The following TACR3 variants were observed in gnomAD, a reference collection of about 807,000 sequenced individuals.
TACR3 encodes the protein neuromedin-K receptor.
In TACR3, 34 loss-of-function variants were observed where a neutral mutation model predicts 35.0. The ratio of observed to expected loss-of-function variants is 0.97; its 90% CI spans 0.74 to 1.30. TACR3 has a LOEUF of 1.30. Among genes scored for constraint, TACR3 ranks in the 50% most tolerant of loss-of-function variants. TACR3 has a pLI of 0.00. For missense variants in TACR3, 558 were observed against 591.7 expected (o/e 0.94, Z 0.59); for synonymous variants, 233 against 221.1 (o/e 1.05, Z -0.48).
rs184672576 is a variant in TACR3, at chr4:103,666,733, A to C, written c.549-8330T>G. ...AGTAGTAATCTATAGTGGCAATATA[A>C]AACTTGCTAAATTTTTTGCTACTTA... On this transcript the variant is annotated intron_variant, in intron 1 of 4. Transcript: ENST00000304883. Among the ~76,000 whole-genome samples the C allele has an allele frequency of 1.7e-3, 263 of 152,324 alleles. 3 individuals are homozygous for C. Among genetic ancestry groups the C allele is most frequent in the East Asian group, 3.3e-3 (17 of 5,194 alleles).
chr4:103,620,169 G>C (rs965131909), intron 3 of TACR3, among the ~76,000 whole-genome samples: 5 of 152,144 alleles, frequency 3.3e-5, no homozygotes, highest in Admixed American at 6.5e-5. Flanking sequence ...AGTTGTCAGA[G>C]AAATGCAAAT....
At chr4:103,642,705 ACATACAGGTAGATATAAGGAATACATTC>A (rs1725382380) in intron 3 of TACR3, among the ~76,000 whole-genome samples, 1 of 151,816 alleles carries the variant, frequency 6.6e-6, no homozygotes, top group African/African-American at 2.4e-5. Flanking sequence ...ATGGATACGT[ACATACAGGTAGATATAAGGAATACATTC>A]CAGTGTTTAA....
At chr4:103,718,255 T>A (rs1233905980) in intron 1 of TACR3, among the ~76,000 whole-genome samples, 1 of 152,196 alleles carries the variant, frequency 6.6e-6, no homozygotes, top group African/African-American at 2.4e-5. Flanking sequence ...GAAATCACCC[T>A]CATGTATCCC....
intron 3 of TACR3, among the ~76,000 whole-genome samples, chr4:103,595,180 A>C (rs1359780150): frequency 7.9e-5 from 12 of 152,224 alleles, no homozygotes; most frequent in African/African-American, 2.9e-4. Flanking sequence ...ATGGCTGAAC[A>C]ATGGTACTAG....
Position 103,658,272 on chromosome 4 carries a change from A to G in TACR3, c.680T>C (p.Met227Thr), listed in dbSNP as rs201587477. Residue 227 changes from methionine (M) to threonine (T), a missense_variant, in exon 2 of 5, where the codon ATG becomes ACG. By Grantham distance (81) the Met-to-Thr change is moderately conservative. Transcript: ENST00000304883. The part of the protein sequence containing the change: ...PQCLYSKTKV[M>T]PGRTLCFVQW... ...CACAAAGCAGAGAGTACGGCCTGGC[A>G]TGACTTTGGTTTTGGAATAAAGACA... 1.4e-5 allele frequency: 22 copies of G among 1,614,024 alleles called. No individual in the cohort carries two copies. In the Admixed American group the frequency reaches 2.0e-4, roughly 15 times the overall value.
chr4:103,681,166 G>A (rs1485428901), intron 1 of TACR3, among the ~76,000 whole-genome samples: 6 of 151,904 alleles, frequency 3.9e-5, no homozygotes, highest in Admixed American at 2.6e-4. Flanking sequence ...AAGATAAAAT[G>A]TCACTTTAGT....
At chr4:103,605,594 T>C (rs1004385719) in intron 3 of TACR3, among the ~76,000 whole-genome samples, 2 of 152,048 alleles carry the variant, frequency 1.3e-5, no homozygotes, top group African/African-American at 2.4e-5. Context: ...ATGAACATTT[T>C]TTCATGTGTT....
chr4:103,609,677 A>G (rs1246493694), intron 3 of TACR3, among the ~76,000 whole-genome samples: 2 of 152,060 alleles, frequency 1.3e-5, no homozygotes, highest in African/African-American at 2.4e-5. Flanking sequence ...TAGACAACCT[A>G]CTGTGTAATA....
At chr4:103,646,339 G>A (rs750038835) in intron 3 of TACR3, among the ~76,000 whole-genome samples, 1 of 151,974 alleles carries the variant, frequency 6.6e-6, no homozygotes, top group Non-Finnish European at 1.5e-5. Context: ...TTCCACAGTA[G>A]GAATTTTTAA....
Position 103,658,280 on chromosome 4 carries a change from G to A in TACR3, c.672C>T (p.Thr224=). The A allele has an allele frequency of 1.2e-6, 2 of 1,613,884 alleles. No individual in the cohort carries two copies. Among genetic ancestry groups the A allele is most frequent in the South Asian group, 2.2e-5 (2 of 91,080 alleles). Residue 224 remains threonine, a synonymous_variant, in exon 2 of 5, where the codon ACC becomes ACT. Transcript: ENST00000304883. ...AGAGAGTACGGCCTGGCATGACTTT[G>A]GTTTTGGAATAAAGACACTGAGGGA... The part of the protein sequence containing the change: ...LAFPQCLYSK[T]KVMPGRTLCF...
intron 1 of TACR3, among the ~76,000 whole-genome samples, chr4:103,698,376 T>C (rs1252986975): frequency 4.6e-5 from 7 of 151,786 alleles, no homozygotes; most frequent in Non-Finnish European, 8.8e-5. Context: ...TTTGATTTCT[T>C]CAAAACTTTT....
At chr4:103,599,711 G>A (rs35944628) in intron 3 of TACR3, among the ~76,000 whole-genome samples, 2,487 of 152,094 alleles carry the variant, frequency 0.016, 56 homozygotes, top group African/African-American at 0.057. Flanking sequence ...TATTGAGATA[G>A]TCATGTGCTT....
intron 1 of TACR3, among the ~76,000 whole-genome samples, chr4:103,691,653 A>T (rs1392549401): frequency 6.6e-6 from 1 of 152,182 alleles, no homozygotes; most frequent in African/African-American, 2.4e-5. Flanking sequence ...GCACTGTAAC[A>T]TATTCATAAT....
chr4:103,619,290 A>G (rs1724727316), intron 3 of TACR3, among the ~76,000 whole-genome samples: 1 of 152,108 alleles, frequency 6.6e-6, no homozygotes, highest in Non-Finnish European at 1.5e-5. Flanking sequence ...CCAGGGTTCA[A>G]GCAATTCTCC....
At chr4:103,634,625 C>T (rs1403893728) in intron 3 of TACR3, among the ~76,000 whole-genome samples, 2 of 152,088 alleles carry the variant, frequency 1.3e-5, no homozygotes, top group African/African-American at 4.8e-5. Flanking sequence ...AACTATTTCA[C>T]CTTGCTGGAT....
intron 3 of TACR3, among the ~76,000 whole-genome samples, chr4:103,596,752 C>T (rs558505941): frequency 2.0e-4 from 31 of 152,014 alleles, no homozygotes; most frequent in East Asian, 1.4e-3. Context: ...ATCCCTCCCC[C>T]GTCCCCCTAC....
At chr4:103,656,021 G>A (rs1455815885) in intron 3 of TACR3, among the ~76,000 whole-genome samples, 173 bp downstream of exon 3, 1 of 152,006 alleles carries the variant, frequency 6.6e-6, no homozygotes, top group Non-Finnish European at 1.5e-5. Flanking sequence ...ATTACAGTAT[G>A]TGGACAGCAG....
chr4:103,597,086 G>A (rs1217992987), intron 3 of TACR3, among the ~76,000 whole-genome samples: 1 of 151,840 alleles, frequency 6.6e-6, no homozygotes, highest in Non-Finnish European at 1.5e-5. Flanking sequence ...CTTTATAGCA[G>A]CATAATTTAT....
chr4:103,716,981 A>G (rs577398899), intron 1 of TACR3, among the ~76,000 whole-genome samples: 188 of 152,298 alleles, frequency 1.2e-3, no homozygotes, highest in African/African-American at 4.3e-3. Flanking sequence ...CTTATAAAAT[A>G]TATCCTATAA....
Sources: allele counts gnomAD v4.1 joint callset (sites outside exome capture counted in the v4.1 genomes callset), GRCh38; gene constraint gnomAD v4.1.1; transcripts MANE v1.5; gene names NCBI Gene and HGNC (gene_info 2026-07-23, HGNC 2026-07-21).